MINDY3: variants seen among roughly 807,000 people sequenced by gnomAD.
MINDY3 encodes the protein ubiquitin carboxyl-terminal hydrolase MINDY-3.
A neutral mutation model predicts 69.2 loss-of-function variants in MINDY3; 38 were observed. That is an observed-to-expected ratio of 0.55 (90% CI 0.42 to 0.72). The LOEUF (loss-of-function observed/expected upper bound fraction) is 0.72. MINDY3 is among the 30% of genes least tolerant of loss of function. The probability of loss-of-function intolerance (pLI) is 0.00; values close to 1 mark genes in which losing one functional copy is unlikely to be tolerated. For synonymous variants in MINDY3, 192 were observed against 180.1 expected (o/e 1.07, Z -0.53); for missense variants, 522 against 519.0 (o/e 1.01, Z -0.06).
chr10:15,809,950 AT>A (rs1484555930), intron 10 of MINDY3, among the ~76,000 whole-genome samples: 3 of 152,188 alleles, frequency 2.0e-5, no homozygotes, highest in Non-Finnish European at 2.9e-5. Flanking sequence ...ATATTTCTTC[AT>A]GAAAGAAATG....
intron 13 of MINDY3, among the ~76,000 whole-genome samples, chr10:15,783,203 C>T (rs1406738927): frequency 1.3e-5 from 2 of 152,166 alleles, no homozygotes; most frequent in Non-Finnish European, 2.9e-5. Flanking sequence ...TCAAGGACTC[C>T]AGGAGCACTT....
chr10:15,806,622 G>C (rs1318597130), intron 10 of MINDY3, among the ~76,000 whole-genome samples: 1 of 152,110 alleles, frequency 6.6e-6, no homozygotes, highest in East Asian at 1.9e-4. Context: ...GGATATTCCT[G>C]TTTAGCTTTC....
At chr10:15,832,748 T>G (rs1448597485) in intron 8 of MINDY3, among the ~76,000 whole-genome samples, 1 of 152,210 alleles carries the variant, frequency 6.6e-6, no homozygotes, top group East Asian at 1.9e-4. Context: ...AGTTTTAATT[T>G]TACTGATTTT....
rs1367457880 is a variant in MINDY3, at chr10:15,853,091, C to T, written c.95-5148G>A. 2.0e-5 allele frequency among the ~76,000 whole-genome samples: 3 copies of T among 152,006 alleles called. No individual in the cohort carries two copies. The East Asian group carries it at 5.8e-4, about 29-fold the overall frequency. ...GAACCCACTACCCCTCGAACACCAA[C>T]AGACAACTATATTTAAGTTTGGCAG... On this transcript the variant is annotated intron_variant, in intron 1 of 14. Coordinates refer to ENST00000277632, the MANE Select transcript of MINDY3 (RefSeq NM_024948.4).
rs1424398944 is a variant in MINDY3, at chr10:15,838,789, G to GT, written c.410-511dup. Among the ~76,000 whole-genome samples the GT allele has an allele frequency of 9.9e-5, 15 of 151,764 alleles. No individual in the cohort carries two copies. The East Asian group carries it at 2.9e-3, about 29-fold the overall frequency. ...TGTTTCCTCATTTATTTGTATAACT[G>GT]TTAAAAAGTTTTCAGTAACTTATTT... On this transcript the variant is annotated intron_variant, in intron 4 of 14. Coordinates refer to ENST00000277632, the MANE Select transcript of MINDY3 (RefSeq NM_024948.4).
chr10:15,809,783 C>T (rs539314071), intron 10 of MINDY3, among the ~76,000 whole-genome samples: 1 of 152,190 alleles, frequency 6.6e-6, no homozygotes, highest in African/African-American at 2.4e-5. Flanking sequence ...ATGCATTTCT[C>T]ACAACCAGAC....
rs1836267194 is a variant in MINDY3, at chr10:15,778,389, G to C, written c.*603C>G. 6.6e-6 allele frequency: 1 copy of C among 152,094 alleles called. No homozygotes were observed. The highest frequency in any genetic ancestry group is 1.5e-5 in the Non-Finnish European group (1 of 68,016). 9.4% of individuals were successfully genotyped at this position (152,094 alleles called of 1,614,324 possible). On this transcript the variant is annotated 3_prime_UTR_variant, in exon 15 of 15. Transcript: ENST00000277632. ...GACTATCAGATTCTCTTTTCTGTCA[G>C]TTTTTAGAATACATCCCCTATACAT...
intron 10 of MINDY3, among the ~76,000 whole-genome samples, chr10:15,805,249 T>G (rs1345077548): frequency 1.3e-5 from 2 of 152,142 alleles, no homozygotes; most frequent in African/African-American, 4.8e-5. Context: ...CTCTTCATAA[T>G]GATGAAAGGC....
At chr10:15,835,804 G>T (rs940718637) in intron 6 of MINDY3, among the ~76,000 whole-genome samples, 1 of 151,860 alleles carries the variant, frequency 6.6e-6, no homozygotes, top group South Asian at 2.1e-4. Context: ...TTCCAAATAG[G>T]TATTTATTTA....
chr10:15,825,326 A>G (rs561329599), intron 8 of MINDY3, among the ~76,000 whole-genome samples: 16 of 152,246 alleles, frequency 1.1e-4, no homozygotes, highest in Non-Finnish European at 2.4e-4. Flanking sequence ...TTGCAAAAAA[A>G]TTCAAATTAC....
chr10:15,817,139 C>T (rs779710275), intron 9 of MINDY3: 9 of 457,824 alleles, frequency 2.0e-5, no homozygotes, highest in Non-Finnish European at 3.4e-5. Flanking sequence ...ATTAAAACAA[C>T]AACAATATAG....
rs1443455636 is a variant in MINDY3 at position 15,816,713 on chromosome 10, T to A, written c.882+122A>T. 1.0e-5 allele frequency: 7 copies of A among 693,330 alleles called. No homozygotes were observed. The East Asian group carries it at 1.7e-4, about 16-fold the overall frequency. 42.9% of individuals were successfully genotyped at this position (693,330 alleles called of 1,614,324 possible). ...CTTCAGTATTAGTTTTTGAGATTTT[T>A]GAACAATTCATTTGTTGTGGGAATA... is the stretch of plus-strand genomic sequence containing the variant. On this transcript the variant is annotated intron_variant, in intron 10 of 14. Transcript: ENST00000277632.
intron 6 of MINDY3, among the ~76,000 whole-genome samples, chr10:15,835,773 CTTATT>C (rs1210007139): frequency 6.6e-6 from 1 of 152,098 alleles, no homozygotes; most frequent in East Asian, 1.9e-4. Flanking sequence ...TTTGGGTTCT[CTTATT>C]TATTTACATT....
chr10:15,818,307 A>G (rs1306195925), intron 9 of MINDY3, among the ~76,000 whole-genome samples: 1 of 151,746 alleles, frequency 6.6e-6, no homozygotes, highest in African/African-American at 2.4e-5. Context: ...TATTTAAATT[A>G]AGGTAGAAGT....
At chr10:15,826,143 A>C (rs1472703183) in intron 8 of MINDY3, among the ~76,000 whole-genome samples, 6 of 152,222 alleles carry the variant, frequency 3.9e-5, no homozygotes, top group Non-Finnish European at 7.3e-5. Context: ...TGGCAGGTAG[A>C]GAGGAGAAAG....
intron 9 of MINDY3, among the ~76,000 whole-genome samples, chr10:15,819,757 G>A (rs948338389): frequency 2.6e-4 from 39 of 152,154 alleles, no homozygotes; most frequent in Non-Finnish European, 4.3e-4. Context: ...AGTGTGTTTT[G>A]TTGTGCCATT....
At chr10:15,838,152 T>C in intron 5 of MINDY3, 76 bp downstream of exon 5, 3 of 1,438,260 alleles carry the variant, frequency 2.1e-6, no homozygotes, top group South Asian at 1.7e-5. Flanking sequence ...ACTAAGAACC[T>C]TTCCACAGTA....
intron 1 of MINDY3, among the ~76,000 whole-genome samples, chr10:15,850,196 C>T (rs555560393): frequency 6.6e-6 from 1 of 152,176 alleles, no homozygotes; most frequent in African/African-American, 2.4e-5. Flanking sequence ...CTCTTAATCC[C>T]GTCATCTTCG....
intron 2 of MINDY3, among the ~76,000 whole-genome samples, chr10:15,846,074 C>T (rs1833822456): frequency 1.3e-5 from 2 of 152,038 alleles, no homozygotes; most frequent in African/African-American, 4.8e-5. Context: ...CTACCTGCCT[C>T]GGCCTCCCAA....
Sources: gnomAD v4.1 joint callset for allele counts (sites outside exome capture counted in the v4.1 genomes callset) on GRCh38, gnomAD v4.1.1 for gene constraint, MANE v1.5 for transcripts, NCBI Gene and HGNC (gene_info 2026-07-23, HGNC 2026-07-21) for gene names.